The following PKD1 variants were observed in gnomAD, a reference collection of about 807,000 sequenced individuals.
PKD1 encodes polycystin 1, transient receptor potential channel interacting.
A neutral mutation model predicts 361.7 loss-of-function variants in PKD1; 81 were observed. That is an observed-to-expected ratio of 0.22 (90% confidence interval 0.19 to 0.27). The LOEUF is 0.27. Among genes scored for constraint, PKD1 ranks in the 10% least tolerant of loss-of-function variants. PKD1 has a pLI of 1.00. For synonymous variants in PKD1, 3,615 were observed against 2,818.3 expected, an observed-to-expected ratio of 1.28 and a Z score of -8.95; for missense variants, 6,399 against 6,118.3, an observed-to-expected ratio of 1.05 and a Z score of -1.53.
intron 41 of PKD1, 36 bp downstream of exon 41, chr16:2,091,745 G>T (rs759434553): frequency 2.5e-6 from 4 of 1,606,070 alleles, no homozygotes; most frequent in East Asian, 4.5e-5. Context: ...TGGTGACTGC[G>T]GCCACCCCGG....
chr16:2,102,362 G>C lies in PKD1; in HGVS notation c.9201+19C>G. 6.4e-7 allele frequency: 1 copy of C among 1,552,226 alleles called. No individual in the cohort carries two copies. The highest frequency in any genetic ancestry group is 8.7e-7 in the Non-Finnish European group (1 of 1,148,702). ...CTCCTCGACTCTGCAGAGGCTCCCA[G>C]GAGCACAGGGTCACTCACAGGAAAC... On this transcript the variant is annotated intron_variant, in intron 25 of 45. Coordinates refer to ENST00000262304, the MANE Select transcript of PKD1 (RefSeq NM_001009944.3).
chr16:2,125,852 G>C (rs2092792171), intron 1 of PKD1, among the ~76,000 whole-genome samples: 1 of 152,168 alleles, frequency 6.6e-6, no homozygotes, highest in Admixed American at 6.5e-5. Context: ...CAGCCTGTGT[G>C]GGCAGGTGCT....
chr16:2,122,911 A>C (rs546996160), intron 1 of PKD1, among the ~76,000 whole-genome samples: 213 of 152,232 alleles, frequency 1.4e-3, no homozygotes, highest in Non-Finnish European at 2.5e-3. Flanking sequence ...AGCAGCTCCC[A>C]CCCAGGCCAC....
At chr16:2,107,815 G>A (rs2092397120) in intron 16 of PKD1, 68 bp downstream of exon 16, 4 of 1,475,520 alleles carry the variant, frequency 2.7e-6, no homozygotes, top group Non-Finnish European at 2.8e-6. Context: ...CTAAAACACG[G>A]AAAACAGTAG....
intron 37 of PKD1, 136 bp from the exon 38 acceptor site, chr16:2,093,229 T>G: frequency 9.7e-7 from 1 of 1,033,610 alleles, no homozygotes; most frequent in Non-Finnish European, 1.5e-6. Flanking sequence ...CCCAAGACTC[T>G]ACCTGGCCAG....
In PKD1 at chr16:2,112,847, A is replaced by G. The variant is rs761459503; in HGVS notation, c.3102T>C (p.Asn1034=). ...VSTVPAVLSP[N]ATLALTAGVL... ...CGCCCGCCGTCAGTGCTAGCGTGGC[A>G]TTGGGGGACAGCACGGCCGGCACTG... The change falls in exon 13 of 46, where the codon AAT becomes AAC. Residue 1034 remains asparagine (N), a synonymous_variant. Transcript: ENST00000262304. 7 of 1,605,070 alleles carry G rather than the reference A, an allele frequency of 4.4e-6. No individual in the cohort carries two copies. The highest frequency in any genetic ancestry group is 2.3e-4 in the Middle Eastern group (1 of 4,428).
rs934657685 is a variant in PKD1, at chr16:2,105,390, G to C, written c.7948C>G (p.Leu2650Val). 45 of 1,585,764 alleles carry C rather than the reference G, an allele frequency of 2.8e-5. No homozygotes were observed. The highest frequency in any genetic ancestry group is 3.5e-5 in the Non-Finnish European group (41 of 1,171,976). ...ACAGTGTGGACCCTCAGGGACACCA[G>C]AGTCTCCGTGATGTTCTTGCGTATC... is the stretch of plus-strand genomic sequence containing the variant. ...AQIRKNITETLVSLRVHTVDD... is the reference protein window; with the variant it reads ...AQIRKNITETVVSLRVHTVDD... Residue 2650 changes from leucine (L) to valine (V), a missense_variant, in exon 21 of 46, where the codon CTG becomes GTG. Transcript: ENST00000262304.
At chr16:2,104,245 A>G (rs2092238810) in intron 22 of PKD1, among the ~76,000 whole-genome samples, 2 of 33,592 alleles carry the variant, frequency 6.0e-5, no homozygotes, top group African/African-American at 2.2e-4. Flanking sequence ...GATGAGGGGA[A>G]TGGACAAAAG....
At chr16:2,094,262 C>T (rs777565930) in intron 34 of PKD1, 52 bp from the exon 35 acceptor site, 9 of 1,142,296 alleles carry the variant, frequency 7.9e-6, no homozygotes, top group Middle Eastern at 1.9e-4. Context: ...GAGGCAGTTG[C>T]AGCCAAGCCC....
chr16:2,093,984 G>A lies in PKD1; in HGVS notation c.10648C>T (p.Leu3550=). ...GCCAGGGAGGCACACCAGGCCGGCA[G>A]CAGGCGCTTCCGCAGACCCTCCACC... ...GLVEGLRKRL[L]PAWCASLAHG... Residue 3550 remains leucine, a synonymous_variant, in exon 36 of 46, where the codon CTG becomes TTG. Coordinates refer to ENST00000262304, the MANE Select transcript of PKD1 (RefSeq NM_001009944.3). 6.3e-7 allele frequency: 1 copy of A among 1,587,802 alleles called. No individual in the cohort carries two copies. Among genetic ancestry groups the A allele is most frequent in the Non-Finnish European group, 8.5e-7 (1 of 1,169,690 alleles).
Position 2,097,858 on chromosome 16 carries a change from G to C in PKD1, c.10167+10C>G, listed in dbSNP as rs765082209. The C allele has an allele frequency of 1.2e-6, 2 of 1,607,328 alleles. No homozygotes were observed. The highest frequency in any genetic ancestry group is 2.2e-5 in the South Asian group (2 of 90,938). Reference sequence around the variant, plus strand: ...CCAGCCCAGCCCAGGACCCCCAGTAGAGTCCTCACCTCAGCGTGGAGGCCT... The same window carrying C: ...CCAGCCCAGCCCAGGACCCCCAGTACAGTCCTCACCTCAGCGTGGAGGCCT... On this transcript the variant is annotated intron_variant, in intron 31 of 45. Transcript: ENST00000262304.
chr16:2,132,479 G>T (rs2092896767), intron 1 of PKD1, among the ~76,000 whole-genome samples: 1 of 150,374 alleles, frequency 6.7e-6, no homozygotes, highest in African/African-American at 2.5e-5. Flanking sequence ...GGAGGCTGAG[G>T]CAGGAGAATC....
At chr16:2,092,822 G>A (rs1052010438) in intron 38 of PKD1, 132 bp downstream of exon 38, 7 of 1,142,650 alleles carry the variant, frequency 6.1e-6, no homozygotes, top group Non-Finnish European at 9.2e-6. Context: ...GCCTACTGAT[G>A]CCAGCAGCAC....
rs757006521 is a variant in PKD1 at position 2,097,252 on chromosome 16, A to G, written c.10406-11T>C. On this transcript the variant is annotated splice_polypyrimidine_tract_variant and intron_variant, in intron 33 of 45. Coordinates refer to ENST00000262304, the MANE Select transcript of PKD1 (RefSeq NM_001009944.3). ...GGATCAGGTCTTCATCTAGAGGTAC[A>G]GGAGGCATAGGGTGGGCCCAGCTGC... 4 of 1,596,260 alleles carry G rather than the reference A, an allele frequency of 2.5e-6. 1 individual carries two copies. The South Asian group carries it at 4.5e-5, about 18-fold the overall frequency.
In PKD1 at chr16:2,106,849, A is replaced by G. The variant is rs2457533; in HGVS notation, c.7165T>C (p.Leu2389=). Residue 2389 remains leucine, a synonymous_variant, in exon 17 of 46, where the codon TTG becomes CTG. Transcript: ENST00000262304. This position sits in a 1 kb window ranked among gnomAD's most constrained non-coding sequence, Gnocchi z 6.5. ...YEVSRSSYVY[L]EGRCLNCSSG... ...CTGCAATTGAGGCAGCGGCCCTCCAAGTACACGTAGGAGCTGCGGCTCACT... is the reference window on the plus strand; with the variant it reads ...CTGCAATTGAGGCAGCGGCCCTCCAGGTACACGTAGGAGCTGCGGCTCACT... The G allele has an allele frequency of 0.11, 156,122 of 1,378,590 alleles. 18,957 individuals are homozygous for G. Among genetic ancestry groups the G allele is most frequent in the African/African-American group, 0.47 (29,491 of 62,688 alleles). The allele number at this position is 1,378,590 out of a possible 1,614,324, so 85.4% of individuals were successfully genotyped here.
In PKD1 at chr16:2,103,196, C is replaced by G. The variant is rs953916156; in HGVS notation, c.8791+70G>C. 7.5e-6 allele frequency: 11 copies of G among 1,473,660 alleles called. No homozygotes were observed. The Admixed American group carries it at 1.5e-4, about 20-fold the overall frequency. 91.3% of individuals were successfully genotyped at this position (1,473,660 alleles called of 1,614,324 possible). ...ATTTCACCAGAGACACCCATGGAAG[C>G]CCTACGAGAAACGCCTTCCCCCCAA... On this transcript the variant is annotated intron_variant, in intron 23 of 45. Coordinates refer to ENST00000262304, the MANE Select transcript of PKD1 (RefSeq NM_001009944.3).
Position 2,102,268 on chromosome 16 carries a change from C to T in PKD1, c.9202-12G>A. The T allele has an allele frequency of 2.7e-6, 4 of 1,502,508 alleles. No individual in the cohort carries two copies. The highest frequency in any genetic ancestry group is 2.4e-4 in the Middle Eastern group (1 of 4,238). 93.1% of individuals were successfully genotyped at this position (1,502,508 alleles called of 1,614,324 possible). A position where few individuals can be genotyped will look rare whatever the true frequency, so the allele number is the denominator to read the frequency against. ...TCCGCTGTCGGCTCCTGTGAGGACA[C>T]AGCCGCCGGGCCCAGGAGGTCACGT... On this transcript the variant is annotated splice_polypyrimidine_tract_variant and intron_variant, in intron 25 of 45. Transcript: ENST00000262304.
At chr16:2,107,216 C>A in intron 16 of PKD1, 1 of 529,066 alleles carries the variant, frequency 1.9e-6, no homozygotes, top group East Asian at 3.3e-5. Flanking sequence ...GCAATGCTCA[C>A]TGAGGGCCCC....
Position 2,109,505 on chromosome 16 carries a change from C to T in PKD1, c.5662G>A (p.Val1888Met), listed in dbSNP as rs566075311. ...TYNLTAEEPI[V>M]GLVLWASSKV... ...CTGCTGGCCCACAGCACCAGGCCCA[C>T]GATGGGCTCCTCCGCCGTGAGGTTG... Residue 1888 changes from valine (V) to methionine (M), a missense_variant, in exon 15 of 46, where the codon GTG (valine) becomes ATG (methionine). Val to Met is a conservative substitution (Grantham distance 21). Transcript: ENST00000262304. 43 of 1,609,938 alleles carry T rather than the reference C, an allele frequency of 2.7e-5. No homozygotes were observed. The highest frequency in any genetic ancestry group is 1.1e-4 in the East Asian group (5 of 44,818).
Sources: allele counts gnomAD v4.1 joint callset (sites outside exome capture counted in the v4.1 genomes callset), GRCh38; gene constraint gnomAD v4.1.1; non-coding constraint Gnocchi (gnomAD v3.1); transcripts MANE v1.5; gene names NCBI Gene and HGNC (gene_info 2026-07-23, HGNC 2026-07-21).